CCDC171: variants seen among roughly 807,000 people sequenced by gnomAD.
CCDC171 encodes coiled-coil domain containing 171, also known as coiled-coil domain-containing protein 171.
A neutral mutation model predicts 168.2 loss-of-function variants in CCDC171; 177 were observed. The observed-to-expected ratio is 1.05, with a 90% CI of 0.93 to 1.19. The LOEUF is 1.19. CCDC171 is among the 50% of genes most tolerant of loss of function. The pLI is 0.00. For synonymous variants in CCDC171, 687 were observed against 540.8 expected (o/e 1.27, Z -3.75); for missense variants, 1,991 against 1,539.0 (o/e 1.29, Z -4.91).
intron 3 of CCDC171, among the ~76,000 whole-genome samples, chr9:15,998,239 T>C (rs1832432343): frequency 6.6e-6 from 1 of 152,216 alleles, no homozygotes; most frequent in East Asian, 1.9e-4. Context: ...TAATTCAGTA[T>C]ATACTGCATC....
intron 24 of CCDC171, among the ~76,000 whole-genome samples, chr9:15,889,475 C>G (rs1021516099): frequency 6.6e-6 from 1 of 152,154 alleles, no homozygotes; most frequent in Non-Finnish European, 1.5e-5. Context: ...TCTACTCTCT[C>G]TTGCATCTTG....
chr9:15,950,353 A>G (rs1048004690), intron 25 of CCDC171, among the ~76,000 whole-genome samples: 1 of 152,140 alleles, frequency 6.6e-6, no homozygotes, highest in African/African-American at 2.4e-5. Flanking sequence ...TGAAGGAAAA[A>G]ATGTTAAGGG....
chr9:15,561,378 T>C (rs1487514339), intron 1 of CCDC171, among the ~76,000 whole-genome samples: 3 of 152,162 alleles, frequency 2.0e-5, no homozygotes, highest in African/African-American at 7.2e-5. Flanking sequence ...GTTCAACAAA[T>C]ATTGAAGAAG....
intron 3 of CCDC171, among the ~76,000 whole-genome samples, chr9:16,003,839 T>A (rs1832623170): frequency 6.6e-6 from 1 of 152,214 alleles, no homozygotes; most frequent in African/African-American, 2.4e-5. Flanking sequence ...GGTGCTCATA[T>A]TTCAACCTCC....
intron 14 of CCDC171, among the ~76,000 whole-genome samples, chr9:15,725,414 A>G (rs916652868): frequency 5.3e-5 from 8 of 152,144 alleles, no homozygotes; most frequent in Non-Finnish European, 1.0e-4. Flanking sequence ...TGGACAAGCT[A>G]TATAGCTTAG....
chr9:16,065,329 C>G (rs1833979332), downstream of CCDC171, among the ~76,000 whole-genome samples: 1 of 152,100 alleles, frequency 6.6e-6, no homozygotes, highest in African/African-American at 2.4e-5. Context: ...CCCTCCCTCC[C>G]CACCACTTCT....
intron 21 of CCDC171, 127 bp from the exon 22 acceptor site, chr9:15,846,575 T>C (rs1160990639): frequency 5.8e-6 from 5 of 859,660 alleles, no homozygotes; most frequent in Non-Finnish European, 8.6e-6. Context: ...TTTGTTAAAC[T>C]TTGATGTGTA....
At chr9:15,923,804 A>G (rs1825607212) in intron 25 of CCDC171, among the ~76,000 whole-genome samples, 2 of 151,420 alleles carry the variant, frequency 1.3e-5, no homozygotes, top group African/African-American at 2.4e-5. Flanking sequence ...TTTTTCTCGC[A>G]TTACAGGAAG....
the CCDC171 span, among the ~76,000 whole-genome samples, chr9:16,093,179 C>T: frequency 3.3e-5 from 5 of 152,180 alleles, no homozygotes; most frequent in Admixed American, 1.3e-4. Flanking sequence ...AAAAGAAAAA[C>T]GGCTTTGTTA....
intron 21 of CCDC171, among the ~76,000 whole-genome samples, chr9:15,788,588 GT>G (rs753248504): frequency 7.4e-4 from 104 of 140,326 alleles, no homozygotes; most frequent in East Asian, 1.2e-3. Flanking sequence ...ATATGTTTTT[GT>G]TTTTTTTTTT....
At chr9:15,775,165 A>G (rs1417351981) in intron 18 of CCDC171, among the ~76,000 whole-genome samples, 1 of 152,216 alleles carries the variant, frequency 6.6e-6, no homozygotes, top group African/African-American at 2.4e-5. Flanking sequence ...ACTTCTTATT[A>G]TAGCATACAT....
In CCDC171 at chr9:16,000,877, C is replaced by G. The variant is rs547712481; in HGVS notation, n.369-19712C>G. Among the ~76,000 whole-genome samples, 4 of 152,226 alleles carry G rather than the reference C, an allele frequency of 2.6e-5. 1 individual carries two copies. In the South Asian group the frequency reaches 8.3e-4, roughly 32 times the overall value. ...AATAATGAGACGAGAATGCTGTCTTCAACTGGATCTCGCAGAGTTACAGCC... is the reference window on the plus strand; with the variant it reads ...AATAATGAGACGAGAATGCTGTCTTGAACTGGATCTCGCAGAGTTACAGCC... On this transcript the variant is annotated intron_variant and non_coding_transcript_variant, in intron 3 of 9. Coordinates refer to the CCDC171 transcript ENST00000486641.
chr9:16,102,860 G>A, the CCDC171 span, among the ~76,000 whole-genome samples: 4 of 152,094 alleles, frequency 2.6e-5, no homozygotes, highest in Admixed American at 6.5e-5. Context: ...GAGAGGCATC[G>A]ACCTTTGAAT....
At chr9:15,698,610 C>T (rs927060627) in intron 11 of CCDC171, among the ~76,000 whole-genome samples, 7 of 151,278 alleles carry the variant, frequency 4.6e-5, no homozygotes, top group African/African-American at 1.5e-4. Flanking sequence ...GTTTTATTTA[C>T]GTTGCTACAA....
At chr9:15,716,113 C>G (rs2053067241) in intron 11 of CCDC171, among the ~76,000 whole-genome samples, 1 of 152,132 alleles carries the variant, frequency 6.6e-6, no homozygotes, top group African/African-American at 2.4e-5. Context: ...CCCCCTTGTC[C>G]CTGGTAACCT....
chr9:15,634,759 T>C (rs1313427728), intron 7 of CCDC171, among the ~76,000 whole-genome samples: 1 of 152,210 alleles, frequency 6.6e-6, no homozygotes, highest in East Asian at 1.9e-4. Context: ...TTGGAACATT[T>C]TCATCACACA....
At chr9:15,732,170 A>T (rs1017287508) in intron 16 of CCDC171, among the ~76,000 whole-genome samples, 1 of 152,074 alleles carries the variant, frequency 6.6e-6, no homozygotes, top group Non-Finnish European at 1.5e-5. Context: ...TTTGATGATC[A>T]TAAGTTTTAA....
Position 15,576,430 on chromosome 9 carries a change from C to G in CCDC171, c.178-2419C>G, listed in dbSNP as rs149137689. Reference sequence around the variant, plus strand: ...CTCAAACTCCTAGCCTCAAGCAACCCTCCCTCATCAGCCTCTCAAAGTGCT... The same window carrying G: ...CTCAAACTCCTAGCCTCAAGCAACCGTCCCTCATCAGCCTCTCAAAGTGCT... On this transcript the variant is annotated intron_variant, in intron 3 of 25. Coordinates refer to ENST00000380701, the MANE Select transcript of CCDC171 (RefSeq NM_173550.4). Among the ~76,000 whole-genome samples the G allele has an allele frequency of 3.2e-3, 488 of 152,058 alleles. 1 individual carries two copies. Among genetic ancestry groups the G allele is most frequent in the African/African-American group, 0.011 (449 of 41,452 alleles).
intron 6 of CCDC171, among the ~76,000 whole-genome samples, chr9:16,027,743 A>G (rs1050871951): frequency 2.0e-5 from 3 of 152,202 alleles, no homozygotes; most frequent in African/African-American, 7.2e-5. Context: ...AGGGAAACCC[A>G]GTCAAGGGCG....
Sources: gnomAD v4.1 joint callset for allele counts (sites outside exome capture counted in the v4.1 genomes callset) on GRCh38, gnomAD v4.1.1 for gene constraint, MANE v1.5 for transcripts, NCBI Gene and HGNC (gene_info 2026-07-23, HGNC 2026-07-21) for gene names.